Variants in BIRC6 observed in about 807,000 individuals in gnomAD.
BIRC6 encodes the protein baculoviral IAP repeat containing 6, also known as dual E2 ubiquitin-conjugating enzyme/E3 ubiquitin-protein ligase BIRC6.
In BIRC6, 98 loss-of-function variants were observed where a neutral mutation model predicts 503.3. The ratio of observed to expected loss-of-function variants is 0.19; its 90% CI spans 0.17 to 0.23. The LOEUF (loss-of-function observed/expected upper bound fraction) is 0.23, where lower values mean the gene tolerates loss of function less well. Ranked by LOEUF, BIRC6 falls within the 10% of genes least tolerant of loss-of-function variation. The pLI, the probability that BIRC6 is intolerant of heterozygous loss-of-function variation, is 1.00. For synonymous variants in BIRC6, 2,240 were observed against 2,078.7 expected (o/e 1.08, Z -2.11); for missense variants, 5,360 against 5,806.0 (o/e 0.92, Z 2.50).
At position 32,467,959 on chromosome 2, in the gene BIRC6, A is replaced by T. The variant is rs532794360; in HGVS notation, c.5628A>T (p.Gly1876=). 6.2e-7 allele frequency: 1 copy of T among 1,613,746 alleles called. No individual in the cohort carries two copies. The highest frequency in any genetic ancestry group is 1.3e-5 in the African/African-American group (1 of 75,000). The part of the protein sequence containing the change: ...STNARAKIPL[G]FYYGHTYILP... ...ATGCCAGAGCCAAAATCCCATTAGGATTTTACTATGGTCATACCTACATCT... is the reference window on the plus strand; with the variant it reads ...ATGCCAGAGCCAAAATCCCATTAGGTTTTTACTATGGTCATACCTACATCT... The change falls in exon 28 of 74, where the codon GGA becomes GGT. Residue 1876 remains glycine, a synonymous_variant. Transcript: ENST00000421745.
At chr2:32,581,519 A>G (rs2060674718) in intron 66 of BIRC6, among the ~76,000 whole-genome samples, 2 of 152,294 alleles carry the variant, frequency 1.3e-5, no homozygotes, top group South Asian at 4.1e-4. Flanking sequence ...CTTCAGATCA[A>G]CTTAAAAAAT....
chr2:32,423,098 T>G (rs1212882492), intron 10 of BIRC6, among the ~76,000 whole-genome samples: 1 of 152,102 alleles, frequency 6.6e-6, no homozygotes, highest in Non-Finnish European at 1.5e-5. Flanking sequence ...TGGCTAATTT[T>G]TGTATTTTTA....
intron 66 of BIRC6, among the ~76,000 whole-genome samples, chr2:32,580,598 C>T (rs990654773): frequency 2.6e-5 from 4 of 152,196 alleles, no homozygotes; most frequent in African/African-American, 9.6e-5. Flanking sequence ...AATGTTGAGC[C>T]ACTGAAAGGT....
Position 32,607,529 on chromosome 2 carries a change from A to G in BIRC6, c.14145A>G (p.Arg4715=). The G allele has an allele frequency of 6.2e-7, 1 of 1,613,816 alleles. No individual in the cohort carries two copies. The highest frequency in any genetic ancestry group is 8.5e-7 in the Non-Finnish European group (1 of 1,179,752). Residue 4715 remains arginine (R), a synonymous_variant, in exon 72 of 74, where the codon AGA becomes AGG. Transcript: ENST00000421745. ...YFNEPGYERS[R]GTPSGTQSSR... is the part of the protein sequence containing the mutation. The stretch of plus-strand genomic sequence containing the variant: ...ATGAACCGGGATATGAACGGTCTAG[A>G]GGCACTCCCAGTGGCACACAGAGTT...
At chr2:32,513,599 G>A (rs1011947883) in intron 54 of BIRC6, among the ~76,000 whole-genome samples, 1 of 151,808 alleles carries the variant, frequency 6.6e-6, no homozygotes, top group African/African-American at 2.4e-5. Flanking sequence ...CATGCAAAAC[G>A]TTGTCTGTAC....
chr2:32,550,067 A>G (rs558213702), intron 65 of BIRC6, among the ~76,000 whole-genome samples: 1 of 152,192 alleles, frequency 6.6e-6, no homozygotes, highest in African/African-American at 2.4e-5. Context: ...AGAAAGTTAC[A>G]TGTTCAGAAA....
At chr2:32,377,465 GT>G in intron 1 of BIRC6, 122 bp from the exon 2 acceptor site, 1 of 709,482 alleles carries the variant, frequency 1.4e-6, no homozygotes, top group Non-Finnish European at 2.0e-6. Context: ...CTTTAGAGAA[GT>G]TTTTTCCAGT....
chr2:32,569,391 C>T (rs2059768706), intron 65 of BIRC6, among the ~76,000 whole-genome samples: 1 of 152,024 alleles, frequency 6.6e-6, no homozygotes, highest in South Asian at 2.1e-4. Flanking sequence ...TTTTATTTGA[C>T]AGGGTCTTGC....
At chr2:32,531,627 T>C in intron 61 of BIRC6, 76 bp downstream of exon 61, 1 of 1,266,056 alleles carries the variant, frequency 7.9e-7, no homozygotes, top group Non-Finnish European at 1.1e-6. Flanking sequence ...TGTTTTTTAA[T>C]GTACTTGGAT....
At chr2:32,475,441 G>C (rs983269714) in intron 33 of BIRC6, among the ~76,000 whole-genome samples, 2 of 152,084 alleles carry the variant, frequency 1.3e-5, no homozygotes, top group African/African-American at 2.4e-5. Flanking sequence ...GGGGGAGATA[G>C]GATAGGAGGG....
In BIRC6 at chr2:32,515,425, T is replaced by A. The variant is rs377147926; in HGVS notation, c.11004T>A (p.His3668Gln). The A allele has an allele frequency of 1.9e-5, 31 of 1,613,088 alleles. No individual in the cohort carries two copies. In the African/African-American group the frequency reaches 4.1e-4, roughly 21 times the overall value. Residue 3668 changes from histidine to glutamine, a missense_variant, in exon 55 of 74, where the codon CAT (histidine) becomes CAA (glutamine). His to Gln is a conservative substitution (Grantham distance 24, BLOSUM62 0). Coordinates refer to ENST00000421745, the MANE Select transcript of BIRC6 (RefSeq NM_016252.4). ...CCCAGGACAAACTCAGGCGCCATCA[T>A]GTCCCACAACAATGTAATAAGATGC... ...DISQDKLRRH[H>Q]VPQQCNKMPI...
intron 66 of BIRC6, among the ~76,000 whole-genome samples, chr2:32,577,925 G>A (rs2060371842): frequency 1.3e-5 from 2 of 152,194 alleles, no homozygotes; most frequent in Non-Finnish European, 2.9e-5. Flanking sequence ...ATATGCATGT[G>A]AAGATATAAT....
At chr2:32,611,391 G>C (rs973980776) in intron 72 of BIRC6, 57 bp from the exon 73 acceptor site, 1 of 1,455,694 alleles carries the variant, frequency 6.9e-7, no homozygotes, top group Non-Finnish European at 9.3e-7. Flanking sequence ...GTCATTTACT[G>C]TGTCTTTTAA....
intron 1 of BIRC6, among the ~76,000 whole-genome samples, chr2:32,360,690 T>A (rs771640084): frequency 5.3e-5 from 8 of 152,198 alleles, no homozygotes; most frequent in Non-Finnish European, 1.0e-4. Flanking sequence ...TATGGTCCTA[T>A]TAGTGTCCAT....
In BIRC6 at chr2:32,533,638, A is replaced by T. The variant is rs145043136; in HGVS notation, c.12291+2087A>T. On this transcript the variant is annotated intron_variant, in intron 61 of 73. Transcript: ENST00000421745. The stretch of plus-strand genomic sequence containing the variant: ...ATTCAGTCACATAGAGGGCTCTTTG[A>T]AGAGATTAGGCATGTAACTCATGGA... 5.8e-3 allele frequency among the ~76,000 whole-genome samples: 881 copies of T among 152,318 alleles called. 5 individuals are homozygous for T. Among genetic ancestry groups the T allele is most frequent in the Non-Finnish European group, 7.9e-3 (536 of 68,022 alleles).
At chr2:32,453,634 G>C (rs546667438) in intron 22 of BIRC6, among the ~76,000 whole-genome samples, 174 bp from the exon 23 acceptor site, 30 of 152,252 alleles carry the variant, frequency 2.0e-4, no homozygotes, top group African/African-American at 7.0e-4. Flanking sequence ...AGGGAAACTC[G>C]TGCCTGCTGT....
chr2:32,500,046 A>G lies in BIRC6; in HGVS notation c.8968A>G (p.Ile2990Val), dbSNP rs1352123625. Residue 2990 changes from isoleucine to valine, a missense_variant, in exon 46 of 74, where the codon ATT becomes GTT. Ile to Val is a conservative substitution (Grantham distance 29). This residue lies in a region of BIRC6 where 2,299 missense variants were observed against 2,267.2 expected (regional missense o/e 1.01). Transcript: ENST00000421745. ...TGACTTAGTCTTAGCCAACCAACAA[A>G]TTATGAGCCAGATTTTGTCTGCTCT... ...VADLVLANQQIMSQILSALGL... is the reference protein window; with the variant it reads ...VADLVLANQQVMSQILSALGL... 3 of 1,613,946 alleles carry G rather than the reference A, an allele frequency of 1.9e-6. No individual in the cohort carries two copies. In the South Asian group the frequency reaches 3.3e-5, roughly 18 times the overall value.
Position 32,485,741 on chromosome 2 carries a change from A to G in BIRC6, c.7795A>G (p.Thr2599Ala). ...LEADSILQAL[T>A]NTSPTLSQSP... The stretch of plus-strand genomic sequence containing the variant: ...GGCAGATTCCATTTTACAGGCATTA[A>G]CAAATACATCTCCTACATGTAAGTA... Residue 2599 changes from threonine (T) to alanine (A), a missense_variant, in exon 40 of 74, where the codon ACA becomes GCA. Thr to Ala is a moderately conservative substitution (Grantham distance 58). Around this residue, in one of 16 missense-constraint regions of BIRC6, gnomAD observed 2,299 missense variants for 2,267.2 expected, o/e 1.01. Transcript: ENST00000421745. 1.2e-6 allele frequency: 2 copies of G among 1,605,066 alleles called. No individual in the cohort carries two copies. Among genetic ancestry groups the G allele is most frequent in the Admixed American group, 1.7e-5 (1 of 59,994 alleles).
rs751193247 is a variant in BIRC6, at chr2:32,481,270, A to C, written c.7409-50A>C. On this transcript the variant is annotated intron_variant, in intron 37 of 73. Transcript: ENST00000421745. ...TTAACTAAAAGCATTATGTCATCTAAATTTTATGTGATACACTCCACCAAT... is the reference window on the plus strand; with the variant it reads ...TTAACTAAAAGCATTATGTCATCTACATTTTATGTGATACACTCCACCAAT... The C allele has an allele frequency of 3.0e-5, 43 of 1,423,298 alleles. No homozygotes were observed. In the East Asian group the frequency reaches 1.1e-3, roughly 35 times the overall value. 88.2% of individuals were successfully genotyped at this position (1,423,298 alleles called of 1,614,324 possible).
Sources: allele counts gnomAD v4.1 joint callset (sites outside exome capture counted in the v4.1 genomes callset), GRCh38; gene constraint gnomAD v4.1.1; regional missense constraint gnomAD v4.1.1; transcripts MANE v1.5; gene names NCBI Gene and HGNC (gene_info 2026-07-23, HGNC 2026-07-21).